GPHN: variants seen among roughly 807,000 people sequenced by gnomAD.
GPHN encodes the protein gephyrin.
Under a neutral mutation model 95.5 loss-of-function variants are expected in GPHN, and 17 were observed. The ratio of observed to expected loss-of-function variants is 0.18; its 90% confidence interval spans 0.12 to 0.27. The LOEUF (loss-of-function observed/expected upper bound fraction) is 0.27, where lower values mean the gene tolerates loss of function less well. Ranked by LOEUF, GPHN falls within the 10% of genes least tolerant of loss-of-function variation. The pLI, the probability that GPHN is intolerant of heterozygous loss-of-function variation, is 1.00. For synonymous variants in GPHN, 320 were observed against 322.5 expected (o/e 0.99, Z 0.08); for missense variants, 660 against 978.1 (o/e 0.67, Z 4.34).
chr14:67,317,325 GAATA>G, the GPHN span: 4 of 1,207,648 alleles, frequency 3.3e-6, no homozygotes, highest in Admixed American at 2.3e-5. Flanking sequence ...ATAAATGAAT[GAATA>G]AATAGAGTTC....
At chr14:66,662,104 C>G (rs888927685) in intron 1 of GPHN, among the ~76,000 whole-genome samples, 9 of 152,106 alleles carry the variant, frequency 5.9e-5, no homozygotes, top group African/African-American at 1.9e-4. Context: ...CTTTGGAGAG[C>G]CCAAGCTAAC....
intron 12 of GPHN, among the ~76,000 whole-genome samples, chr14:67,092,867 G>A (rs112016422): frequency 4.6e-5 from 7 of 151,934 alleles, no homozygotes; most frequent in Non-Finnish European, 7.4e-5. Context: ...CACATTTTTC[G>A]ATTTTGTTTC....
chr14:67,328,527 G>C, the GPHN span, among the ~76,000 whole-genome samples: 2 of 152,156 alleles, frequency 1.3e-5, no homozygotes, highest in African/African-American at 4.8e-5. Context: ...ATTGCTTTTG[G>C]TGTTTTAGTC....
chr14:66,590,548 A>G (rs1313379542), intron 1 of GPHN, among the ~76,000 whole-genome samples: 1 of 152,190 alleles, frequency 6.6e-6, no homozygotes, highest in Non-Finnish European at 1.5e-5. Flanking sequence ...AAACTGCAAA[A>G]TCTAGAAGAA....
intron 8 of GPHN, among the ~76,000 whole-genome samples, chr14:66,943,744 A>C (rs2067566259): frequency 6.6e-6 from 1 of 152,156 alleles, no homozygotes; most frequent in Admixed American, 6.6e-5. Flanking sequence ...TCACACACAC[A>C]ACACATATAT....
In GPHN at chr14:66,558,126, A is replaced by G. The variant is rs1402598420; in HGVS notation, c.64+49535A>G. Among the ~76,000 whole-genome samples the G allele has an allele frequency of 7.2e-5, 11 of 152,288 alleles. No individual in the cohort carries two copies. The East Asian group carries it at 2.1e-3, about 29-fold the overall frequency. ...GAGAAAATGATTTTTTTCCTAAAAC[A>G]AAACTCCTAAATCAAAGTGGGATGG... On this transcript the variant is annotated intron_variant, in intron 1 of 22. Transcript: ENST00000478722.
chr14:66,634,256 G>A (rs775340764), intron 1 of GPHN, among the ~76,000 whole-genome samples: 6 of 151,212 alleles, frequency 4.0e-5, no homozygotes, highest in Non-Finnish European at 7.4e-5. Context: ...AGTAGCTTCT[G>A]TAAGGAAAGA....
At chr14:67,266,527 T>G in the GPHN span, among the ~76,000 whole-genome samples, 4 of 152,124 alleles carry the variant, frequency 2.6e-5, no homozygotes, top group Non-Finnish European at 5.9e-5. Context: ...GGTTTCACCA[T>G]GTTGGCCAGG....
At chr14:67,652,506 TCTC>T in the GPHN span, 1 of 165,130 alleles carries the variant, frequency 6.1e-6, no homozygotes, top group South Asian at 1.8e-4. Context: ...ATTCCATTCT[TCTC>T]CTGAAACAGC....
At chr14:67,567,380 TG>T in the GPHN span, among the ~76,000 whole-genome samples, 1 of 152,238 alleles carries the variant, frequency 6.6e-6, no homozygotes, top group African/African-American at 2.4e-5. Flanking sequence ...GATAACATTT[TG>T]TCAAACAGTC....
chr14:67,295,220 C>T, the GPHN span, among the ~76,000 whole-genome samples: 32 of 151,634 alleles, frequency 2.1e-4, no homozygotes, highest in Admixed American at 3.9e-4. Context: ...TTGGGAGGCT[C>T]ACGCCTGTAA....
rs112060226 is a variant in GPHN at position 66,686,835 on chromosome 14, T to C, written c.143+5650T>C. 3.4e-3 allele frequency among the ~76,000 whole-genome samples: 525 copies of C among 152,200 alleles called. 11 individuals are homozygous for C. The highest frequency in any genetic ancestry group is 0.012 in the African/African-American group (498 of 41,488). ...GGCATCCCTGTCTTGTGCCAGTTTT[T>C]AAAGAGAATGCTTCCAGTTTTTGCC... On this transcript the variant is annotated intron_variant, in intron 2 of 22. Transcript: ENST00000478722.
chr14:67,096,043 C>A (rs1311731205), intron 12 of GPHN, among the ~76,000 whole-genome samples: 1 of 147,186 alleles, frequency 6.8e-6, no homozygotes, highest in Non-Finnish European at 1.5e-5. Context: ...TGTATATTCA[C>A]AAGATCTCGA....
chr14:67,257,655 A>G, the GPHN span, among the ~76,000 whole-genome samples: 1 of 151,846 alleles, frequency 6.6e-6, no homozygotes. Flanking sequence ...TATTTTATAT[A>G]TGTATATATG....
the GPHN span, chr14:67,312,679 A>C: frequency 6.2e-7 from 1 of 1,611,680 alleles, no homozygotes; most frequent in African/African-American, 1.3e-5. Flanking sequence ...AAGGGGACGA[A>C]GATAATCAAC....
chr14:67,108,417 G>C (rs1276030063), intron 13 of GPHN, among the ~76,000 whole-genome samples: 2 of 152,168 alleles, frequency 1.3e-5, no homozygotes, highest in African/African-American at 4.8e-5. Flanking sequence ...AGTCCATAGA[G>C]GTCAGCTTCT....
At chr14:66,649,416 G>A (rs1274200312) in intron 1 of GPHN, among the ~76,000 whole-genome samples, 1 of 151,918 alleles carries the variant, frequency 6.6e-6, no homozygotes, top group Non-Finnish European at 1.5e-5. Context: ...TTGAGAACTG[G>A]GCTGCACAGC....
At chr14:66,518,836 G>C (rs187616995) in intron 1 of GPHN, among the ~76,000 whole-genome samples, 34 of 152,188 alleles carry the variant, frequency 2.2e-4, no homozygotes, top group Admixed American at 1.8e-3. Context: ...GGGAAGAGGC[G>C]GGGGAAGGGG....
At chr14:67,661,029 G>T in the GPHN span, among the ~76,000 whole-genome samples, 2 of 152,090 alleles carry the variant, frequency 1.3e-5, no homozygotes, top group Non-Finnish European at 2.9e-5. Flanking sequence ...GGATGCAGAT[G>T]TGCTTCCTTC....
Sources: gnomAD v4.1 joint callset for allele counts (sites outside exome capture counted in the v4.1 genomes callset) on GRCh38, gnomAD v4.1.1 for gene constraint, MANE v1.5 for transcripts, NCBI Gene and HGNC (gene_info 2026-07-23, HGNC 2026-07-21) for gene names.